The following NR6A1 variants were observed in gnomAD, a reference collection of about 807,000 sequenced individuals.
The protein encoded by NR6A1 is nuclear receptor subfamily 6 group A member 1, also known as retinoic acid receptor-related testis-associated receptor.
Under a neutral mutation model 59.1 loss-of-function variants are expected in NR6A1, and 7 were observed. The observed-to-expected ratio is 0.12, with a 90% CI of 0.07 to 0.22. The LOEUF (loss-of-function observed/expected upper bound fraction) is 0.22, where lower values mean the gene tolerates loss of function less well. NR6A1 is among the 10% of genes least tolerant of loss of function. The pLI, the probability that NR6A1 is intolerant of heterozygous loss-of-function variation, is 1.00. For missense variants in NR6A1, 468 were observed against 611.6 expected (o/e 0.77, Z 2.48); for synonymous variants, 243 against 236.1 (o/e 1.03, Z -0.27).
chr9:124,536,091 C>T lies in NR6A1; in HGVS notation c.866G>A (p.Arg289His), dbSNP rs1412609957. ...CCTAAAGAGCAGCTCGTCGGCCAGG[C>T]GGCAAAGCAGGGCAAATAGTTCTGC... ...TQAELFALLC[R>H]LADELLFRQI... The change falls in exon 7 of 10, where the codon CGC becomes CAC. Residue 289 changes from arginine to histidine, a missense_variant. Coordinates refer to ENST00000487099, the MANE Select transcript of NR6A1 (RefSeq NM_033334.4). 9 of 1,613,914 alleles carry T rather than the reference C, an allele frequency of 5.6e-6. No individual in the cohort carries two copies. The highest frequency in any genetic ancestry group is 1.7e-5 in the Admixed American group (1 of 60,004).
chr9:124,522,460 G>T lies in NR6A1; in HGVS notation c.*245C>A. On this transcript the variant is annotated 3_prime_UTR_variant, in exon 10 of 10. Transcript: ENST00000487099. The stretch of plus-strand genomic sequence containing the variant: ...TCTGTAAACTGTAAGAAAATGCATT[G>T]GCTGCATTCACACAAAAGCATGTGC... The T allele has an allele frequency of 6.2e-6, 2 of 320,478 alleles. No individual in the cohort carries two copies. Among genetic ancestry groups the T allele is most frequent in the Non-Finnish European group, 6.0e-6 (1 of 166,420 alleles). 19.9% of individuals were successfully genotyped at this position (320,478 alleles called of 1,614,324 possible). A position where few individuals can be genotyped will look rare whatever the true frequency, so the allele number is the denominator to read the frequency against.
At chr9:124,544,156 C>T (rs923933395) in intron 3 of NR6A1, among the ~76,000 whole-genome samples, 1 of 152,204 alleles carries the variant, frequency 6.6e-6, no homozygotes, top group Non-Finnish European at 1.5e-5. Context: ...AAACATCCTG[C>T]CAGGATGATG....
In NR6A1 at chr9:124,718,308, C is replaced by T. The variant is rs1839461570; in HGVS notation, c.142+15000G>A. On this transcript the variant is annotated intron_variant, in intron 2 of 9. Coordinates refer to ENST00000487099, the MANE Select transcript of NR6A1 (RefSeq NM_033334.4). ...GCTGGCTCAAGCCTCAAGCCTGACA[C>T]TGAAAAGGAGGCAAATTCTGATGGC... Among the ~76,000 whole-genome samples the T allele has an allele frequency of 2.6e-5, 4 of 152,204 alleles. No homozygotes were observed. The South Asian group carries it at 8.3e-4, about 31-fold the overall frequency.
intron 8 of NR6A1, among the ~76,000 whole-genome samples, 186 bp from the exon 9 acceptor site, chr9:124,525,059 G>A (rs1362626118): frequency 6.6e-6 from 1 of 152,070 alleles, no homozygotes; most frequent in Non-Finnish European, 1.5e-5. Flanking sequence ...TGAAGAGAGA[G>A]AGGAAAAAAA....
At chr9:124,739,210 C>T (rs945687837) in intron 1 of NR6A1, among the ~76,000 whole-genome samples, 11 of 150,492 alleles carry the variant, frequency 7.3e-5, no homozygotes. Flanking sequence ...AAAATGGGGG[C>T]GGCGAGGGTA....
rs752482812 is a variant in NR6A1, at chr9:124,554,348, T to C, written c.365A>G (p.Gln122Arg). 6.2e-7 allele frequency: 1 copy of C among 1,614,208 alleles called. No individual in the cohort carries two copies. The highest frequency in any genetic ancestry group is 1.1e-5 in the South Asian group (1 of 91,082). Reference sequence around the variant, plus strand: ...CTCACCCTTCCGGTTCATCCCCATCTGGAGGCATTTGAGCAGGCGGCAGTA... The same window carrying C: ...CTCACCCTTCCGGTTCATCCCCATCCGGAGGCATTTGAGCAGGCGGCAGTA... ...CQYCRLLKCL[Q>R]MGMNRKAIRE... Residue 122 changes from glutamine (Q) to arginine (R), a missense_variant, in exon 3 of 10, where the codon CAG becomes CGG. By Grantham distance (43) the Gln-to-Arg change is conservative. Around this residue, in one of 4 missense-constraint regions of NR6A1, gnomAD observed 66 missense variants for 139.2 expected, o/e 0.47. Coordinates refer to ENST00000487099, the MANE Select transcript of NR6A1 (RefSeq NM_033334.4).
chr9:124,716,767 G>C (rs371934840), intron 2 of NR6A1, among the ~76,000 whole-genome samples: 8 of 152,136 alleles, frequency 5.3e-5, no homozygotes, highest in African/African-American at 1.7e-4. Flanking sequence ...GAGTAGCTGG[G>C]ATTACAGGCA....
At chr9:124,767,911 T>C (rs138610430) in intron 1 of NR6A1, among the ~76,000 whole-genome samples, 18 of 152,334 alleles carry the variant, frequency 1.2e-4, no homozygotes, top group South Asian at 8.3e-4. Flanking sequence ...ACAAATGCAA[T>C]ATTCAGCATA....
intron 2 of NR6A1, among the ~76,000 whole-genome samples, chr9:124,656,232 T>C (rs1837256285): frequency 6.6e-6 from 1 of 152,184 alleles, no homozygotes; most frequent in Non-Finnish European, 1.5e-5. Flanking sequence ...TGGAGGCAGC[T>C]TGAGGCCCTC....
chr9:124,767,263 A>G (rs538768658), intron 1 of NR6A1, among the ~76,000 whole-genome samples: 31 of 152,170 alleles, frequency 2.0e-4, no homozygotes, highest in Non-Finnish European at 4.3e-4. Context: ...ACTCCCTTTC[A>G]TGTACTAACA....
intron 8 of NR6A1, among the ~76,000 whole-genome samples, chr9:124,526,216 G>A (rs554300113): frequency 2.0e-5 from 3 of 152,134 alleles, no homozygotes; most frequent in Non-Finnish European, 4.4e-5. Flanking sequence ...CCCCTTTGCA[G>A]GTAAGATACC....
At chr9:124,632,422 T>A (rs912612691) in intron 2 of NR6A1, among the ~76,000 whole-genome samples, 2 of 152,220 alleles carry the variant, frequency 1.3e-5, no homozygotes, top group Non-Finnish European at 2.9e-5. Flanking sequence ...GGATCAGTAA[T>A]GTTGAGCTGT....
intron 6 of NR6A1, 139 bp from the exon 7 acceptor site, chr9:124,536,271 A>C: frequency 1.1e-6 from 1 of 943,744 alleles, no homozygotes; most frequent in Non-Finnish European, 1.6e-6. Context: ...CTCCAGTTCC[A>C]TTCAGTGTGA....
At chr9:124,680,721 T>G (rs1386328662) in intron 2 of NR6A1, among the ~76,000 whole-genome samples, 1 of 152,212 alleles carries the variant, frequency 6.6e-6, no homozygotes, top group Non-Finnish European at 1.5e-5. Context: ...GCCTAGAGTT[T>G]CCTAACATAT....
chr9:124,540,937 C>T (rs1833424043), intron 4 of NR6A1, among the ~76,000 whole-genome samples: 1 of 152,144 alleles, frequency 6.6e-6, no homozygotes, highest in Non-Finnish European at 1.5e-5. Context: ...GCCCCCAGCC[C>T]CCAAAAGACA....
chr9:124,521,068 T>G lies in NR6A1; in HGVS notation c.*1637A>C, dbSNP rs1251470576. On this transcript the variant is annotated 3_prime_UTR_variant, in exon 10 of 10. Coordinates refer to ENST00000487099, the MANE Select transcript of NR6A1 (RefSeq NM_033334.4). ...TGAGTTGAGGAGACAGCAAACAGCC[T>G]TTGACTAAATAGGCAGAAGAAGGTG... 10 of 152,214 alleles carry G rather than the reference T, an allele frequency of 6.6e-5. 1 individual carries two copies. The highest frequency in any genetic ancestry group is 1.0e-4 in the Non-Finnish European group (7 of 68,036). The allele number at this position is 152,214 out of a possible 1,614,324, so 9.4% of individuals were successfully genotyped here. A position where few individuals can be genotyped will look rare whatever the true frequency, so the allele number is the denominator to read the frequency against.
intron 2 of NR6A1, among the ~76,000 whole-genome samples, chr9:124,615,938 GC>G (rs1444427269): frequency 1.3e-5 from 2 of 151,992 alleles, no homozygotes; most frequent in Non-Finnish European, 2.9e-5. Flanking sequence ...TGTTGGTCAG[GC>G]TGGTCTTGAA....
chr9:124,604,473 G>T (rs1835524536), intron 2 of NR6A1, among the ~76,000 whole-genome samples: 1 of 152,156 alleles, frequency 6.6e-6, no homozygotes, highest in African/African-American at 2.4e-5. Context: ...CTACCCTGAA[G>T]AGGTATTTAC....
At chr9:124,694,901 G>A (rs1439596272) in intron 2 of NR6A1, among the ~76,000 whole-genome samples, 1 of 152,142 alleles carries the variant, frequency 6.6e-6, no homozygotes, top group Non-Finnish European at 1.5e-5. Flanking sequence ...AGAAAACTAT[G>A]AGAGTTCAGA....
Sources: gnomAD v4.1 joint callset for allele counts (sites outside exome capture counted in the v4.1 genomes callset) on GRCh38, gnomAD v4.1.1 for gene constraint, gnomAD v4.1.1 regional missense constraint, MANE v1.5 for transcripts, NCBI Gene and HGNC (gene_info 2026-07-23, HGNC 2026-07-21) for gene names.